Variants in ZC3H3 observed in about 807,000 individuals in gnomAD.
ZC3H3 encodes the protein zinc finger CCCH domain-containing protein 3.
A neutral mutation model predicts 77.3 loss-of-function variants in ZC3H3; 36 were observed. The ratio of observed to expected loss-of-function variants is 0.47; its 90% CI spans 0.36 to 0.61. The LOEUF is 0.61. ZC3H3 is among the 20% of genes least tolerant of loss of function. The probability of loss-of-function intolerance (pLI) is 0.00; values close to 1 mark genes in which losing one functional copy is unlikely to be tolerated. For synonymous variants in ZC3H3, 626 were observed against 555.2 expected (o/e 1.13, Z -1.79); for missense variants, 1,331 against 1,312.2 (o/e 1.01, Z -0.22).
Position 143,477,423 on chromosome 8 carries a change from G to A in ZC3H3, c.1716-1838C>T, listed in dbSNP as rs1010634326. ...TCCAGCTGCTCCCCAACCCCCAGCC[G>A]GGCACTGTCTGGGCCAGAGGGGTGG... On this transcript the variant is annotated intron_variant, in intron 4 of 11. Transcript: ENST00000262577. 3.9e-5 allele frequency among the ~76,000 whole-genome samples: 6 copies of A among 152,124 alleles called. No individual in the cohort carries two copies. The East Asian group carries it at 7.7e-4, about 20-fold the overall frequency.
intron 3 of ZC3H3, among the ~76,000 whole-genome samples, chr8:143,526,749 G>C (rs566038717): frequency 6.6e-6 from 1 of 152,278 alleles, no homozygotes; most frequent in East Asian, 1.9e-4. Flanking sequence ...TGCAGAGAAG[G>C]GGCCAAATCC....
At chr8:143,444,132 G>A (rs961297473) in intron 9 of ZC3H3, among the ~76,000 whole-genome samples, 1 of 152,070 alleles carries the variant, frequency 6.6e-6, no homozygotes, top group Non-Finnish European at 1.5e-5. Context: ...CCGCCACCAT[G>A]CCTGGCTACT....
intron 5 of ZC3H3, 137 bp downstream of exon 5, chr8:143,475,261 T>A: frequency 9.1e-7 from 1 of 1,096,352 alleles, no homozygotes; most frequent in Non-Finnish European, 1.3e-6. Context: ...GCCCCTGACC[T>A]CCTCCCCAAG....
chr8:143,493,661 T>G lies in ZC3H3; in HGVS notation c.1715+14085A>C, dbSNP rs1429860750. On this transcript the variant is annotated intron_variant, in intron 4 of 11. Transcript: ENST00000262577. The surrounding 1 kb of genome is among the most constrained non-coding windows in gnomAD (Gnocchi z 4.8). ...TCCAAATTAAGAGTTGCATCCATGC[T>G]GTCAAGCCCCTGCTAGCAGCTTCTG... is the stretch of plus-strand genomic sequence containing the variant. 1.3e-5 allele frequency among the ~76,000 whole-genome samples: 2 copies of G among 152,338 alleles called. No individual in the cohort carries two copies. Among genetic ancestry groups the G allele is most frequent in the East Asian group, 1.9e-4 (1 of 5,184 alleles).
chr8:143,498,698 C>G (rs767043232), intron 4 of ZC3H3, among the ~76,000 whole-genome samples: 1 of 122,210 alleles, frequency 8.2e-6, no homozygotes, highest in Non-Finnish European at 1.7e-5. Context: ...GGATGGGAAC[C>G]GGGGGCAGAG....
Position 143,462,361 on chromosome 8 carries a change from C to G in ZC3H3, c.2307+3356G>C, listed in dbSNP as rs1054999923. Among the ~76,000 whole-genome samples, 1 of 152,210 alleles carries G rather than the reference C, an allele frequency of 6.6e-6. No individual in the cohort carries two copies. Among genetic ancestry groups the G allele is most frequent in the Admixed American group, 6.5e-5 (1 of 15,288 alleles). ...ACCATGGGTGGAGACTGGTCCTAAA[C>G]AAGACCCCGAGCACAAATCACAGGG... On this transcript the variant is annotated intron_variant, in intron 9 of 11. Coordinates refer to ENST00000262577, the MANE Select transcript of ZC3H3 (RefSeq NM_015117.3). This position sits in a 1 kb window ranked among gnomAD's most constrained non-coding sequence, Gnocchi z 4.7.
At chr8:143,525,931 G>T (rs895455383) in intron 3 of ZC3H3, among the ~76,000 whole-genome samples, 2 of 152,250 alleles carry the variant, frequency 1.3e-5, no homozygotes, top group African/African-American at 4.8e-5. Flanking sequence ...CAAGCCTGCC[G>T]TCCGCCTGGG....
chr8:143,538,270 G>C lies in ZC3H3; in HGVS notation c.1097C>G (p.Thr366Arg). The change falls in exon 2 of 12, where the codon ACG (threonine) becomes AGG (arginine). Residue 366 changes from threonine (T) to arginine (R), a missense_variant. Thr to Arg is a moderately conservative substitution (Grantham distance 71). This residue lies in a region of ZC3H3 where 978 missense variants were observed against 915.5 expected (regional missense o/e 1.07). Transcript: ENST00000262577. Reference sequence around the variant, plus strand: ...GGGGGCAGACCCTGGCTTGGAGGACGTGGCTGGCTTCCTGGGCTTGGGCTC... The same window carrying C: ...GGGGGCAGACCCTGGCTTGGAGGACCTGGCTGGCTTCCTGGGCTTGGGCTC... ...DPEPKPRKPATSSKPGSAPSK... is the reference protein window; with the variant it reads ...DPEPKPRKPARSSKPGSAPSK... The C allele has an allele frequency of 6.2e-7, 1 of 1,613,002 alleles. No individual in the cohort carries two copies. Among genetic ancestry groups the C allele is most frequent in the Non-Finnish European group, 8.5e-7 (1 of 1,180,034 alleles).
At chr8:143,520,277 G>T (rs1177773549) in intron 3 of ZC3H3, among the ~76,000 whole-genome samples, 1 of 152,232 alleles carries the variant, frequency 6.6e-6, no homozygotes, top group African/African-American at 2.4e-5. Context: ...TGTCTCCCGG[G>T]AGAGGGCAGG....
rs1411703942 is a variant in ZC3H3, at chr8:143,494,955, A to C, written c.1715+12791T>G. On this transcript the variant is annotated intron_variant, in intron 4 of 11. Transcript: ENST00000262577. This position sits in a 1 kb window ranked among gnomAD's most constrained non-coding sequence, Gnocchi z 5.3. ...TGAAAACCACAGTGAGAGGCCACAC[A>C]CGTGAGAATGCAGATTAGAAAGGCG... Among the ~76,000 whole-genome samples the C allele has an allele frequency of 2.6e-5, 4 of 152,328 alleles. No homozygotes were observed. In the East Asian group the frequency reaches 5.8e-4, roughly 22 times the overall value.
At chr8:143,475,663 C>T in intron 4 of ZC3H3, 78 bp from the exon 5 acceptor site, 2 of 1,453,290 alleles carry the variant, frequency 1.4e-6, no homozygotes, top group East Asian at 2.5e-5. Context: ...AGGGGCCGAG[C>T]CCAGGCCTGG....
Position 143,438,065 on chromosome 8 carries a change from T to G in ZC3H3, c.2838A>C (p.Pro946=). ...KDSGKPLHIK[P]RL ...CCGGTCCCTGGGGTCCTCACAGACGTGGTTTGATGTGCAGAGGCTTCCCTA... is the reference window on the plus strand; with the variant it reads ...CCGGTCCCTGGGGTCCTCACAGACGGGGTTTGATGTGCAGAGGCTTCCCTA... Residue 946 remains proline, a synonymous_variant, in exon 12 of 12, where the codon CCA becomes CCC. Coordinates refer to ENST00000262577, the MANE Select transcript of ZC3H3 (RefSeq NM_015117.3). The G allele has an allele frequency of 6.2e-7, 1 of 1,611,128 alleles. No individual in the cohort carries two copies. Among genetic ancestry groups the G allele is most frequent in the South Asian group, 1.1e-5 (1 of 90,252 alleles).
At chr8:143,534,340 C>G (rs572182149) in intron 3 of ZC3H3, among the ~76,000 whole-genome samples, 1 of 151,602 alleles carries the variant, frequency 6.6e-6, no homozygotes, top group Non-Finnish European at 1.5e-5. Context: ...GGCAGGACCG[C>G]AGCAGCCCCT....
chr8:143,444,411 T>C (rs996653056), intron 9 of ZC3H3, among the ~76,000 whole-genome samples: 2 of 152,162 alleles, frequency 1.3e-5, no homozygotes, highest in Admixed American at 6.5e-5. Flanking sequence ...ACCAGGACTA[T>C]ATGAGAAAAA....
At chr8:143,491,297 C>T (rs1244705201) in intron 4 of ZC3H3, among the ~76,000 whole-genome samples, 2 of 152,256 alleles carry the variant, frequency 1.3e-5, no homozygotes, top group African/African-American at 4.8e-5. Context: ...TGTCACCAGA[C>T]ACTCCCTGCA....
intron 9 of ZC3H3, among the ~76,000 whole-genome samples, chr8:143,441,894 C>G (rs1819751455): frequency 6.6e-6 from 1 of 152,212 alleles, no homozygotes; most frequent in South Asian, 2.1e-4. Context: ...CCTGCAGAGC[C>G]CACTGCATGG....
rs377352455 is a variant in ZC3H3, at chr8:143,507,824, G to A, written c.1637C>T (p.Thr546Met). ...IKTRYRIVKK[T>M]PASPLSAPPF... ...CGGGGCGCTGAGAGGCGAGGCCGGC[G>A]TCTTCTTGACAATGCGGTAGCGGGT... The change falls in exon 4 of 12, where the codon ACG (threonine) becomes ATG (methionine). Residue 546 changes from threonine to methionine, a missense_variant. Physicochemically the swap from Thr to Met is moderately conservative, Grantham distance 81. Transcript: ENST00000262577. 6.5e-5 allele frequency: 105 copies of A among 1,609,772 alleles called. No individual in the cohort carries two copies. The highest frequency in any genetic ancestry group is 8.6e-5 in the Non-Finnish European group (101 of 1,178,748).
At chr8:143,509,063 G>C (rs1227912723) in intron 3 of ZC3H3, among the ~76,000 whole-genome samples, 3 of 152,056 alleles carry the variant, frequency 2.0e-5, no homozygotes, top group Non-Finnish European at 4.4e-5. Flanking sequence ...TGTCAGCAAA[G>C]AGCCCCTCCC....
At chr8:143,511,805 C>T (rs917204363) in intron 3 of ZC3H3, among the ~76,000 whole-genome samples, 6 of 152,218 alleles carry the variant, frequency 3.9e-5, no homozygotes, top group East Asian at 1.9e-4. Context: ...ACGGGCCCAG[C>T]GCAAAGACAG....
Sources: allele counts gnomAD v4.1 joint callset (sites outside exome capture counted in the v4.1 genomes callset), GRCh38; gene constraint gnomAD v4.1.1; regional missense constraint gnomAD v4.1.1; non-coding constraint Gnocchi (gnomAD v3.1); transcripts MANE v1.5; gene names NCBI Gene and HGNC (gene_info 2026-07-23, HGNC 2026-07-21).